KIF13A: variants seen among roughly 807,000 people sequenced by gnomAD.
KIF13A encodes the protein kinesin family member 13A.
KIF13A carries 79 observed loss-of-function variants against 212.2 expected under a neutral mutation model. The ratio of observed to expected loss-of-function variants is 0.37; its 90% CI spans 0.31 to 0.45. The LOEUF (loss-of-function observed/expected upper bound fraction) is 0.45. KIF13A is among the 20% of genes least tolerant of loss of function. The pLI, the probability that KIF13A is intolerant of heterozygous loss-of-function variation, is 1.00. For missense variants in KIF13A, 1,901 were observed against 2,209.0 expected (o/e 0.86, Z 2.79); for synonymous variants, 789 against 808.6 (o/e 0.98, Z 0.41).
Position 17,855,580 on chromosome 6 carries a change from C to T in KIF13A, c.351G>A (p.Glu117=). The T allele has an allele frequency of 6.2e-7, 1 of 1,609,076 alleles. No homozygotes were observed. Among genetic ancestry groups the T allele is most frequent in the Non-Finnish European group, 8.5e-7 (1 of 1,178,668 alleles). Residue 117 remains glutamate, a synonymous_variant, in exon 6 of 39, where the codon GAG becomes GAA. Coordinates refer to ENST00000259711, the MANE Select transcript of KIF13A (RefSeq NM_022113.6). This position sits in a 1 kb window ranked among gnomAD's most constrained non-coding sequence, Gnocchi z 4.1. Reference sequence around the variant, plus strand: ...AGAGCCTTGGAATAAGGCCCAGCTGCTCAGCATGGCCCATCATGGAAAAGG... The same window carrying T: ...AGAGCCTTGGAATAAGGCCCAGCTGTTCAGCATGGCCCATCATGGAAAAGG... ...GKSFSMMGHA[E]QLGLIPRLCC...
In KIF13A at chr6:17,843,004, T is replaced by G. The variant is rs1157940460; in HGVS notation, c.831-5421A>C. On this transcript the variant is annotated intron_variant, in intron 9 of 38. Transcript: ENST00000259711. The surrounding 1 kb of genome is among the most constrained non-coding windows in gnomAD (Gnocchi z 5.3). The stretch of plus-strand genomic sequence containing the variant: ...GGATTTCAAATATTATTTTACTTAT[T>G]AGTCCAATAATCAGTTCTAAGATCA... Among the ~76,000 whole-genome samples the G allele has an allele frequency of 6.6e-6, 1 of 152,210 alleles. No homozygotes were observed. The highest frequency in any genetic ancestry group is 1.5e-5 in the Non-Finnish European group (1 of 68,034).
chr6:17,764,384 C>T lies in KIF13A; in HGVS notation c.5144G>A (p.Gly1715Glu). 1 of 1,613,990 alleles carries T rather than the reference C, an allele frequency of 6.2e-7. No homozygotes were observed. Among genetic ancestry groups the T allele is most frequent in the Non-Finnish European group, 8.5e-7 (1 of 1,179,888 alleles). ...TACCGTCACCTCCCTGGGGCAGAAT[C>T]CCCTGGCTGGCTGGCTAATTTTGCT... ...CPSKISQPAR[G>E]FCPREVTVEH... The change falls in exon 39 of 39, where the codon GGA (glycine) becomes GAA (glutamate). Residue 1715 changes from glycine (G) to glutamate (E), a missense_variant. Around this residue, in one of 5 missense-constraint regions of KIF13A, gnomAD observed 687 missense variants for 759.1 expected, o/e 0.90. Coordinates refer to ENST00000259711, the MANE Select transcript of KIF13A (RefSeq NM_022113.6). The surrounding 1 kb of genome is among the most constrained non-coding windows in gnomAD (Gnocchi z 5.1).
In KIF13A at chr6:17,883,920, C is replaced by G. The variant is rs1771308120; in HGVS notation, c.160-10483G>C. ...TCCAGCCTGGACAACCTAGTGAGATCCCATTGCTAAAAGGAAATAATAATA... is the reference window on the plus strand; with the variant it reads ...TCCAGCCTGGACAACCTAGTGAGATGCCATTGCTAAAAGGAAATAATAATA... On this transcript the variant is annotated intron_variant, in intron 3 of 38. Transcript: ENST00000259711. This position sits in a 1 kb window ranked among gnomAD's most constrained non-coding sequence, Gnocchi z 4.8. Among the ~76,000 whole-genome samples, 1 of 151,926 alleles carries G rather than the reference C, an allele frequency of 6.6e-6. No individual in the cohort carries two copies. Among genetic ancestry groups the G allele is most frequent in the South Asian group, 2.1e-4 (1 of 4,806 alleles).
chr6:17,853,169 C>T (rs780581609), intron 6 of KIF13A, among the ~76,000 whole-genome samples: 3 of 152,092 alleles, frequency 2.0e-5, no homozygotes, highest in African/African-American at 4.8e-5. Context: ...TCAGTTATGC[C>T]GTTTCATTTC....
intron 2 of KIF13A, among the ~76,000 whole-genome samples, chr6:17,940,840 T>A (rs1202823847): frequency 6.6e-6 from 1 of 151,588 alleles, no homozygotes; most frequent in Non-Finnish European, 1.5e-5. Flanking sequence ...TTTTTTTTTT[T>A]TTTGAGACAG....
chr6:17,827,539 G>T (rs1436780930), intron 14 of KIF13A, among the ~76,000 whole-genome samples: 1 of 149,092 alleles, frequency 6.7e-6, no homozygotes, highest in Non-Finnish European at 1.5e-5. Flanking sequence ...TTGAGACAGG[G>T]TCTCGCTCTG....
chr6:17,762,514 G>T (rs1758634036), downstream of KIF13A, among the ~76,000 whole-genome samples: 1 of 152,058 alleles, frequency 6.6e-6, no homozygotes, highest in Admixed American at 6.6e-5. Flanking sequence ...ACTCGGCCAT[G>T]AATATGAATT....
At chr6:17,824,819 G>A (rs1385642814) in intron 16 of KIF13A, among the ~76,000 whole-genome samples, 2 of 150,070 alleles carry the variant, frequency 1.3e-5, no homozygotes, top group African/African-American at 2.5e-5. Context: ...CTGTCAGGTA[G>A]AGGCTGCCTG....
chr6:17,766,842 T>C (rs191601261), intron 38 of KIF13A, among the ~76,000 whole-genome samples: 88 of 152,348 alleles, frequency 5.8e-4, no homozygotes, highest in African/African-American at 2.0e-3. Flanking sequence ...ATATTTTCTT[T>C]TGCATCTCAA....
chr6:17,780,887 C>G lies in KIF13A; in HGVS notation c.3689G>C (p.Trp1230Ser). ...SDDEVSATAS[W>S]DSSVHDSVHL... ...AACAGAATCATGCACCGAGGAATCC[C>G]AAGAGGCTGTGGCTGAAACCTAGGA... is the stretch of plus-strand genomic sequence containing the variant. The change falls in exon 31 of 39, where the codon TGG becomes TCG. Residue 1230 changes from tryptophan to serine, a missense_variant. Around this residue, in one of 5 missense-constraint regions of KIF13A, gnomAD observed 687 missense variants for 759.1 expected, o/e 0.90. Coordinates refer to ENST00000259711, the MANE Select transcript of KIF13A (RefSeq NM_022113.6). The G allele has an allele frequency of 6.2e-7, 1 of 1,613,584 alleles. No homozygotes were observed. Among genetic ancestry groups the G allele is most frequent in the Non-Finnish European group, 8.5e-7 (1 of 1,179,658 alleles).
chr6:17,808,673 C>T (rs1413655206), intron 18 of KIF13A, 95 bp downstream of exon 18: 2 of 1,122,040 alleles, frequency 1.8e-6, no homozygotes, highest in East Asian at 2.6e-5. Flanking sequence ...ATATCAGGAT[C>T]TCCTCAGGCA....
rs1022321744 is a variant in KIF13A, at chr6:17,961,267, C to G, written c.146+25787G>C. The stretch of plus-strand genomic sequence containing the variant: ...GGACTTGGCAAGGAGGTGGACTTCA[C>G]TAGTGTGGGCTGGTAAGGGGACCTG... On this transcript the variant is annotated intron_variant, in intron 2 of 38. Transcript: ENST00000259711. The surrounding 1 kb of genome is among the most constrained non-coding windows in gnomAD (Gnocchi z 4.1). 2.0e-5 allele frequency among the ~76,000 whole-genome samples: 3 copies of G among 152,160 alleles called. No individual in the cohort carries two copies. Among genetic ancestry groups the G allele is most frequent in the Admixed American group, 1.3e-4 (2 of 15,268 alleles).
intron 16 of KIF13A, among the ~76,000 whole-genome samples, chr6:17,819,324 G>A (rs1377521685): frequency 2.0e-5 from 3 of 152,156 alleles, no homozygotes; most frequent in Admixed American, 2.0e-4. Flanking sequence ...AGCATTTCGG[G>A]AAGCTGAGGT....
chr6:17,975,690 T>A (rs938303024), intron 2 of KIF13A, among the ~76,000 whole-genome samples: 1 of 152,196 alleles, frequency 6.6e-6, no homozygotes, highest in African/African-American at 2.4e-5. Flanking sequence ...GGGCGCTGAT[T>A]GGTGCGTTTA....
intron 2 of KIF13A, among the ~76,000 whole-genome samples, chr6:17,976,749 T>C (rs1349220317): frequency 2.1e-5 from 3 of 142,026 alleles, no homozygotes; most frequent in South Asian, 2.3e-4. Flanking sequence ...CTGTCACCTC[T>C]CAAAATCACG....
At chr6:17,808,743 C>A (rs183939589) in intron 18 of KIF13A, 25 bp downstream of exon 18, 1 of 1,599,140 alleles carries the variant, frequency 6.3e-7, no homozygotes, top group African/African-American at 1.3e-5. Flanking sequence ...TGCATCTTGC[C>A]CTCTCACTTG....
chr6:17,982,525 G>T lies in KIF13A; in HGVS notation c.146+4529C>A. On this transcript the variant is annotated intron_variant, in intron 2 of 38. Transcript: ENST00000259711. The surrounding 1 kb of genome is among the most constrained non-coding windows in gnomAD (Gnocchi z 5.1). Reference sequence around the variant, plus strand: ...CAACTGACCCTCCCTCACACGATTTGCAAGGTGTATTGTTCATCCTGCCAT... The same window carrying T: ...CAACTGACCCTCCCTCACACGATTTTCAAGGTGTATTGTTCATCCTGCCAT... The T allele has an allele frequency of 1.5e-6, 1 of 647,294 alleles. No homozygotes were observed. The highest frequency in any genetic ancestry group is 1.9e-6 in the Non-Finnish European group (1 of 521,576). 40.1% of individuals were successfully genotyped at this position (647,294 alleles called of 1,614,324 possible).
Position 17,799,577 on chromosome 6 carries a change from T to C in KIF13A, c.2617-138A>G, listed in dbSNP as rs182834497. On this transcript the variant is annotated intron_variant, in intron 21 of 38. Coordinates refer to ENST00000259711, the MANE Select transcript of KIF13A (RefSeq NM_022113.6). The surrounding 1 kb of genome is among the most constrained non-coding windows in gnomAD (Gnocchi z 4.4). Reference sequence around the variant, plus strand: ...TGTGAAAATATTATATCTGACACCGTGACACTAAGGGTTGTATCGATAATG... The same window carrying C: ...TGTGAAAATATTATATCTGACACCGCGACACTAAGGGTTGTATCGATAATG... 7.3e-6 allele frequency: 5 copies of C among 688,948 alleles called. No homozygotes were observed. In the Admixed American group the frequency reaches 1.2e-4, roughly 17 times the overall value. 42.7% of individuals were successfully genotyped at this position (688,948 alleles called of 1,614,324 possible). A position where few individuals can be genotyped will look rare whatever the true frequency, so the allele number is the denominator to read the frequency against.
Position 17,919,314 on chromosome 6 carries a change from T to C in KIF13A, c.147-21134A>G, listed in dbSNP as rs1384012772. 1.3e-5 allele frequency among the ~76,000 whole-genome samples: 2 copies of C among 152,212 alleles called. No individual in the cohort carries two copies. The highest frequency in any genetic ancestry group is 2.4e-5 in the African/African-American group (1 of 41,458). ...ACAATTACCAATACATGGCCAGTCT[T>C]GCACAGGTAAAGTACTATGTACTTA... is the stretch of plus-strand genomic sequence containing the variant. On this transcript the variant is annotated intron_variant, in intron 2 of 38. Transcript: ENST00000259711. This position sits in a 1 kb window ranked among gnomAD's most constrained non-coding sequence, Gnocchi z 4.1.
Sources: gnomAD v4.1 joint callset for allele counts (sites outside exome capture counted in the v4.1 genomes callset) on GRCh38, gnomAD v4.1.1 for gene constraint, gnomAD v4.1.1 regional missense constraint, Gnocchi (gnomAD v3.1) non-coding constraint, MANE v1.5 for transcripts, NCBI Gene and HGNC (gene_info 2026-07-23, HGNC 2026-07-21) for gene names.